The following LY86 variants were observed in gnomAD, a reference collection of about 807,000 sequenced individuals.
The protein encoded by LY86 is MD-1, RP105-associated.
A neutral mutation model predicts 17.3 loss-of-function variants in LY86; 20 were observed. That is an observed-to-expected ratio of 1.15 (90% CI 0.81 to 1.68). LY86 has a LOEUF of 1.68. Among genes scored for constraint, LY86 ranks in the 40% most tolerant of loss-of-function variants. The pLI, the probability that LY86 is intolerant of heterozygous loss-of-function variation, is 0.00. For synonymous variants in LY86, 74 were observed against 70.6 expected, an observed-to-expected ratio of 1.05 and a Z score of -0.24; for missense variants, 200 against 191.9, an observed-to-expected ratio of 1.04 and a Z score of -0.25.
intron 1 of LY86, among the ~76,000 whole-genome samples, chr6:6,596,307 C>T (rs540375945): frequency 1.3e-5 from 2 of 152,116 alleles, no homozygotes; most frequent in South Asian, 2.1e-4. Flanking sequence ...TAAAAGCTGC[C>T]CCAGGAGAAA....
intron 3 of LY86, among the ~76,000 whole-genome samples, chr6:6,636,924 G>T (rs1761967864): frequency 6.9e-6 from 1 of 145,430 alleles, no homozygotes; most frequent in South Asian, 2.2e-4. Context: ...AAAAGCAGTA[G>T]CCACCCTCTA....
intron 3 of LY86, among the ~76,000 whole-genome samples, chr6:6,639,671 C>T (rs959862126): frequency 6.6e-6 from 1 of 152,122 alleles, no homozygotes; most frequent in South Asian, 2.1e-4. Context: ...CTTATAAGGA[C>T]CTCTGTGATT....
At chr6:6,614,901 C>T (rs561421899) in intron 1 of LY86, among the ~76,000 whole-genome samples, 59 of 152,158 alleles carry the variant, frequency 3.9e-4, no homozygotes, top group African/African-American at 1.2e-3. Flanking sequence ...GAGACAGGAG[C>T]CAGAGACATG....
At chr6:6,653,028 C>T (rs981161282) in intron 4 of LY86, among the ~76,000 whole-genome samples, 1 of 152,190 alleles carries the variant, frequency 6.6e-6, no homozygotes, top group African/African-American at 2.4e-5. Flanking sequence ...ATAATTAATT[C>T]TCTAACATTT....
intron 1 of LY86, among the ~76,000 whole-genome samples, chr6:6,613,315 T>C (rs1761446436): frequency 6.6e-6 from 1 of 152,194 alleles, no homozygotes; most frequent in Non-Finnish European, 1.5e-5. Context: ...GACGGAGCGC[T>C]ATGGAGCAGG....
At chr6:6,617,709 G>C (rs1482510060) in intron 1 of LY86, among the ~76,000 whole-genome samples, 1 of 152,160 alleles carries the variant, frequency 6.6e-6, no homozygotes, top group African/African-American at 2.4e-5. Flanking sequence ...TCACCCATAA[G>C]ACAGGTTCCA....
intron 4 of LY86, among the ~76,000 whole-genome samples, chr6:6,651,835 C>A (rs1451472501): frequency 6.6e-6 from 1 of 151,992 alleles, no homozygotes. Context: ...GCAGACAGAT[C>A]ACTTGAGGTT....
chr6:6,588,796 G>A lies in LY86; in HGVS notation c.62G>A (p.Gly21Asp). Residue 21 changes from glycine (G) to aspartate (D), a missense_variant, in exon 1 of 5, where the codon GGC (glycine) becomes GAC (aspartate). Transcript: ENST00000230568. ...CTGATTTTTCCCAGCTGCAGTGGAG[G>A]CGGCGGTGGGAAAGCCTGGCCCACA... is the stretch of plus-strand genomic sequence containing the variant. ...WTLIFPSCSGGGGGKAWPTHV... is the reference protein window; with the variant it reads ...WTLIFPSCSGDGGGKAWPTHV... 2 of 1,614,176 alleles carry A rather than the reference G, an allele frequency of 1.2e-6. No homozygotes were observed. Among genetic ancestry groups the A allele is most frequent in the Non-Finnish European group, 1.7e-6 (2 of 1,180,004 alleles).
At chr6:6,588,965 G>T in intron 1 of LY86, 95 bp downstream of exon 1, 2 of 1,473,648 alleles carry the variant, frequency 1.4e-6, no homozygotes, top group Non-Finnish European at 1.8e-6. Flanking sequence ...GGTGGGAGGG[G>T]AGAGGGGACC....
intron 3 of LY86, among the ~76,000 whole-genome samples, chr6:6,646,368 TA>T (rs1762107104): frequency 6.6e-6 from 1 of 152,152 alleles, no homozygotes; most frequent in Non-Finnish European, 1.5e-5. Context: ...GGGGAGGCAG[TA>T]ATCACTGAGG....
intron 1 of LY86, among the ~76,000 whole-genome samples, chr6:6,609,580 T>C (rs1374110998): frequency 5.9e-5 from 9 of 152,204 alleles, no homozygotes; most frequent in Non-Finnish European, 1.5e-5. Flanking sequence ...TCAGAAGCAC[T>C]GTCACGCTGG....
intron 1 of LY86, among the ~76,000 whole-genome samples, chr6:6,611,810 C>T (rs1037482275): frequency 6.6e-6 from 1 of 152,154 alleles, no homozygotes; most frequent in South Asian, 2.1e-4. Context: ...CTTTAACAAT[C>T]GGACCGATAA....
intron 1 of LY86, among the ~76,000 whole-genome samples, chr6:6,611,737 A>G (rs1400835933): frequency 6.6e-6 from 1 of 152,148 alleles, no homozygotes; most frequent in South Asian, 2.1e-4. Flanking sequence ...TATGCTTAAG[A>G]CTAAATCACC....
intron 4 of LY86, among the ~76,000 whole-genome samples, chr6:6,652,938 A>G (rs1762209843): frequency 1.3e-5 from 2 of 152,256 alleles, no homozygotes; most frequent in Non-Finnish European, 2.9e-5. Flanking sequence ...AAATGCACAT[A>G]GAGATTTTAA....
intron 4 of LY86, among the ~76,000 whole-genome samples, chr6:6,649,916 A>T (rs1762161607): frequency 6.6e-6 from 1 of 152,216 alleles, no homozygotes; most frequent in South Asian, 2.1e-4. Context: ...AATATTTTAC[A>T]TGTCAGTGAA....
intron 1 of LY86, among the ~76,000 whole-genome samples, chr6:6,612,563 A>T (rs796983802): frequency 6.6e-6 from 1 of 152,240 alleles, no homozygotes; most frequent in South Asian, 2.1e-4. Context: ...ACCAGTTGTC[A>T]CTAGTGGAGC....
chr6:6,598,346 C>T (rs1393845033), intron 1 of LY86, among the ~76,000 whole-genome samples: 1 of 151,468 alleles, frequency 6.6e-6, no homozygotes, highest in Non-Finnish European at 1.5e-5. Context: ...TTACATTTAT[C>T]TCTTTATTAT....
chr6:6,601,751 T>C (rs9379048), intron 1 of LY86, among the ~76,000 whole-genome samples: 117,110 of 151,834 alleles, frequency 0.77, 47,259 homozygotes, highest in Non-Finnish European at 0.89. Flanking sequence ...AAATATACAA[T>C]AGAAAGCAGA....
chr6:6,649,473 G>T (rs954774137), intron 3 of LY86, 152 bp from the exon 4 acceptor site: 4 of 592,798 alleles, frequency 6.7e-6, no homozygotes, highest in African/African-American at 5.7e-5. Flanking sequence ...TGAATGGTAG[G>T]TGTAGATCAG....
Sources: allele counts gnomAD v4.1 joint callset (sites outside exome capture counted in the v4.1 genomes callset), GRCh38; gene constraint gnomAD v4.1.1; transcripts MANE v1.5; gene names NCBI Gene and HGNC (gene_info 2026-07-23, HGNC 2026-07-21).